ROBO2: variants seen among roughly 807,000 people sequenced by gnomAD.
The protein encoded by ROBO2 is roundabout homolog 2.
In ROBO2, 53 loss-of-function variants were observed where a neutral mutation model predicts 160.8. The observed-to-expected ratio is 0.33, with a 90% confidence interval of 0.26 to 0.41. The LOEUF (loss-of-function observed/expected upper bound fraction) is 0.41, where lower values mean the gene tolerates loss of function less well. Ranked by LOEUF, ROBO2 falls within the 10% of genes least tolerant of loss-of-function variation. The probability of loss-of-function intolerance (pLI) is 1.00; values close to 1 mark genes in which losing one functional copy is unlikely to be tolerated. For synonymous variants in ROBO2, 664 were observed against 611.7 expected, an observed-to-expected ratio of 1.09 and a Z score of -1.26; for missense variants, 1,577 against 1,722.4, an observed-to-expected ratio of 0.92 and a Z score of 1.49.
At chr3:77,645,014 A>G in intron 25 of ROBO2, 110 bp downstream of exon 27, 1 of 1,116,576 alleles carries the variant, frequency 9.0e-7, no homozygotes, top group South Asian at 1.3e-5. Flanking sequence ...GCTCTGTTAC[A>G]AAAACAATCA....
At chr3:77,227,534 C>T (rs1234580807) in intron 2 of ROBO2, among the ~76,000 whole-genome samples, 1 of 152,124 alleles carries the variant, frequency 6.6e-6, no homozygotes, top group Non-Finnish European at 1.5e-5. Context: ...AAGAAACACC[C>T]AGCACAGCCC....
intron 2 of ROBO2, among the ~76,000 whole-genome samples, chr3:76,209,690 A>G (rs1703023347): frequency 6.6e-6 from 1 of 152,140 alleles, no homozygotes; most frequent in South Asian, 2.1e-4. Context: ...ATTCTTGTAC[A>G]AAGATGTAAT....
chr3:76,259,352 G>A (rs1394124744), intron 2 of ROBO2, among the ~76,000 whole-genome samples: 1 of 152,060 alleles, frequency 6.6e-6, no homozygotes, highest in East Asian at 1.9e-4. Flanking sequence ...GAAGTGTAAA[G>A]TTTATTCACT....
At chr3:77,203,863 TG>T (rs2083154778) in intron 2 of ROBO2, among the ~76,000 whole-genome samples, 1 of 152,226 alleles carries the variant, frequency 6.6e-6, no homozygotes, top group African/African-American at 2.4e-5. Flanking sequence ...AAGTGAATTA[TG>T]GATGTCTTCA....
chr3:76,811,533 C>T (rs1167011), intron 2 of ROBO2, among the ~76,000 whole-genome samples: 38,656 of 151,784 alleles, frequency 0.25, 5,275 homozygotes, highest in East Asian at 0.45. Context: ...GGACTTTATA[C>T]CTCATCCAAA....
chr3:76,353,789 T>C (rs553333993), intron 2 of ROBO2, among the ~76,000 whole-genome samples: 4 of 152,024 alleles, frequency 2.6e-5, no homozygotes, highest in African/African-American at 9.6e-5. Flanking sequence ...TCTTAGAACT[T>C]AGAGAACTCT....
At chr3:77,331,662 G>GT (rs2065974151) in intron 2 of ROBO2, among the ~76,000 whole-genome samples, 1 of 151,672 alleles carries the variant, frequency 6.6e-6, no homozygotes, top group African/African-American at 2.4e-5. Context: ...TACTACCACT[G>GT]TTTTTACAAG....
intron 2 of ROBO2, among the ~76,000 whole-genome samples, chr3:76,090,076 A>G (rs1228884700): frequency 6.6e-6 from 1 of 152,208 alleles, no homozygotes; most frequent in Non-Finnish European, 1.5e-5. Context: ...CATTTACATT[A>G]GTACCCTTCA....
chr3:77,335,053 A>C (rs1423811617), intron 2 of ROBO2, among the ~76,000 whole-genome samples: 1 of 152,326 alleles, frequency 6.6e-6, no homozygotes, highest in East Asian at 1.9e-4. Flanking sequence ...GTTTAAGTAC[A>C]CACATTATTA....
Position 77,564,940 on chromosome 3 carries a change from T to C in ROBO2, c.1683-14T>C. 3 of 1,612,406 alleles carry C rather than the reference T, an allele frequency of 1.9e-6. No homozygotes were observed. The highest frequency in any genetic ancestry group is 2.5e-6 in the Non-Finnish European group (3 of 1,179,196). ...ATGACTGTTCTTTAAATGAAATTTC[T>C]GTTCGCGTTTCAGCCAATCAGTGAG... On this transcript the variant is annotated splice_polypyrimidine_tract_variant and intron_variant, in intron 11 of 25. Transcript: ENST00000461745.
chr3:76,043,255 C>G (rs1037916789), intron 2 of ROBO2, among the ~76,000 whole-genome samples: 3 of 151,712 alleles, frequency 2.0e-5, no homozygotes, highest in Non-Finnish European at 4.4e-5. Flanking sequence ...TGCTTTTAGT[C>G]ATCTCCTCTT....
chr3:77,625,046 C>T (rs2094981477), intron 23 of ROBO2, among the ~76,000 whole-genome samples: 1 of 152,066 alleles, frequency 6.6e-6, no homozygotes. Flanking sequence ...GGACAGAGCC[C>T]ATTTTTTTGT....
At chr3:76,349,228 T>A (rs1576590979) in intron 2 of ROBO2, among the ~76,000 whole-genome samples, 1 of 152,054 alleles carries the variant, frequency 6.6e-6, no homozygotes, top group Admixed American at 6.6e-5. Context: ...AAAATAAATA[T>A]CAAAACAAAA....
intron 2 of ROBO2, among the ~76,000 whole-genome samples, chr3:76,111,387 T>G (rs984659265): frequency 3.9e-5 from 6 of 152,030 alleles, no homozygotes; most frequent in Non-Finnish European, 5.9e-5. Context: ...TACAATGATA[T>G]TGAGCTTCTG....
chr3:77,508,321 C>T lies in ROBO2; in HGVS notation c.807-14454C>T, dbSNP rs547606685. On this transcript the variant is annotated intron_variant, in intron 5 of 25. Transcript: ENST00000461745. ...TTAAAATATATAGTAAAATCTTGAACGTTTTATATATTACAAAAATTTATA... is the reference window on the plus strand; with the variant it reads ...TTAAAATATATAGTAAAATCTTGAATGTTTTATATATTACAAAAATTTATA... Among the ~76,000 whole-genome samples the T allele has an allele frequency of 3.3e-4, 49 of 146,832 alleles. No individual in the cohort carries two copies. The South Asian group carries it at 0.01, about 31-fold the overall frequency.
At chr3:76,594,411 C>T (rs996960865) in intron 2 of ROBO2, among the ~76,000 whole-genome samples, 1 of 151,858 alleles carries the variant, frequency 6.6e-6, no homozygotes. Flanking sequence ...AAATAAAGCA[C>T]AAAGGAAGAA....
chr3:76,907,878 C>T (rs930099612), intron 2 of ROBO2, among the ~76,000 whole-genome samples: 4 of 144,376 alleles, frequency 2.8e-5, no homozygotes, highest in Non-Finnish European at 3.0e-5. Flanking sequence ...CTTGCTCTGT[C>T]GCCCAGGCTG....
chr3:77,053,369 C>A (rs1454871051), intron 1 of ROBO2, among the ~76,000 whole-genome samples: 3 of 152,036 alleles, frequency 2.0e-5, no homozygotes, highest in Non-Finnish European at 2.9e-5. Context: ...CTTAGTCTGG[C>A]CCTTCTGTAT....
At chr3:77,369,327 A>G (rs552617702) in intron 2 of ROBO2, among the ~76,000 whole-genome samples, 4 of 152,284 alleles carry the variant, frequency 2.6e-5, no homozygotes, top group Non-Finnish European at 5.9e-5. Context: ...TGTACTTGCT[A>G]CACAATTGTC....
Sources: gnomAD v4.1 joint callset for allele counts (sites outside exome capture counted in the v4.1 genomes callset) on GRCh38, gnomAD v4.1.1 for gene constraint, MANE v1.5 for transcripts, NCBI Gene and HGNC (gene_info 2026-07-23, HGNC 2026-07-21) for gene names.